Variants in RPTOR observed in about 807,000 individuals in gnomAD.
RPTOR encodes regulatory-associated protein of mTOR.
A neutral mutation model predicts 169.9 loss-of-function variants in RPTOR; 21 were observed. The observed-to-expected ratio is 0.12, with a 90% confidence interval of 0.09 to 0.18. The LOEUF is 0.18. Ranked by LOEUF, RPTOR falls within the 10% of genes least tolerant of loss-of-function variation. The pLI, the probability that RPTOR is intolerant of heterozygous loss-of-function variation, is 1.00. For synonymous variants in RPTOR, 732 were observed against 753.2 expected, an observed-to-expected ratio of 0.97 and a Z score of 0.46; for missense variants, 1,133 against 1,855.9, an observed-to-expected ratio of 0.61 and a Z score of 7.16.
intron 24 of RPTOR, among the ~76,000 whole-genome samples, chr17:80,929,715 G>A (rs963589791): frequency 5.9e-5 from 9 of 152,192 alleles, no homozygotes; most frequent in African/African-American, 1.7e-4. Context: ...AGAAACTCAG[G>A]CAGTGAAGGA....
chr17:80,615,222 G>A (rs1391057625), intron 1 of RPTOR, among the ~76,000 whole-genome samples: 2 of 152,206 alleles, frequency 1.3e-5, no homozygotes, highest in African/African-American at 2.4e-5. Flanking sequence ...AACTGAGACA[G>A]TGGAGGAGTC....
In RPTOR at chr17:80,721,778, A is replaced by G. The variant is rs1322463677; in HGVS notation, c.508-8782A>G. ...CAGCCAGCTTTCCTGTTATTTATTA[A>G]TAGGCTTAAGATAGCCAGAAGGACA... On this transcript the variant is annotated intron_variant, in intron 4 of 33. Transcript: ENST00000306801. This position sits in a 1 kb window ranked among gnomAD's most constrained non-coding sequence, Gnocchi z 4.7. Among the ~76,000 whole-genome samples the G allele has an allele frequency of 6.6e-6, 1 of 151,392 alleles. No homozygotes were observed. Among genetic ancestry groups the G allele is most frequent in the Non-Finnish European group, 1.5e-5 (1 of 68,034 alleles).
rs1186669656 is a variant in RPTOR, at chr17:80,845,061, G to A, written c.1213-1412G>A. The stretch of plus-strand genomic sequence containing the variant: ...TAAGTGGAAGTGACTCTCCGTGGAG[G>A]GAATCAGGCCGGACTGCTCCTGCCT... On this transcript the variant is annotated intron_variant, in intron 10 of 33. Transcript: ENST00000306801. The surrounding 1 kb of genome is among the most constrained non-coding windows in gnomAD (Gnocchi z 5.4). Among the ~76,000 whole-genome samples, 1 of 152,034 alleles carries A rather than the reference G, an allele frequency of 6.6e-6. No individual in the cohort carries two copies. The highest frequency in any genetic ancestry group is 2.4e-5 in the African/African-American group (1 of 41,374).
rs1162160542 is a variant in RPTOR, at chr17:80,964,346, C to G, written c.*16C>G. Reference sequence around the variant, plus strand: ...TGTCAGATAGCGGCGTGACCCGGGCCCACCAGGCCACGGCCGCCTGCTGTA... The same window carrying G: ...TGTCAGATAGCGGCGTGACCCGGGCGCACCAGGCCACGGCCGCCTGCTGTA... On this transcript the variant is annotated 3_prime_UTR_variant, in exon 34 of 34. Transcript: ENST00000306801. The G allele has an allele frequency of 6.2e-7, 1 of 1,604,150 alleles. No homozygotes were observed. Among genetic ancestry groups the G allele is most frequent in the South Asian group, 1.1e-5 (1 of 91,080 alleles).
At chr17:80,779,985 C>T (rs1302534208) in intron 6 of RPTOR, among the ~76,000 whole-genome samples, 1 of 152,050 alleles carries the variant, frequency 6.6e-6, no homozygotes, top group Non-Finnish European at 1.5e-5. Flanking sequence ...CTCCTTGGCC[C>T]GACTCCATGC....
rs745838185 is a variant in RPTOR at position 80,820,601 on chromosome 17, T to A, written c.891-1600T>A. Reference sequence around the variant, plus strand: ...AGCTCTGTCGTAGGTTGTTAGAGGGTGGGCACCTTTGCTTTTCCTCACTCC... The same window carrying A: ...AGCTCTGTCGTAGGTTGTTAGAGGGAGGGCACCTTTGCTTTTCCTCACTCC... On this transcript the variant is annotated intron_variant, in intron 7 of 33. Transcript: ENST00000306801. The surrounding 1 kb of genome is among the most constrained non-coding windows in gnomAD (Gnocchi z 4.1). Among the ~76,000 whole-genome samples the A allele has an allele frequency of 6.6e-6, 1 of 151,772 alleles. No individual in the cohort carries two copies. The highest frequency in any genetic ancestry group is 2.0e-4 in the East Asian group (1 of 5,094).
intron 9 of RPTOR, among the ~76,000 whole-genome samples, chr17:80,826,351 C>G (rs1291532930): frequency 1.3e-5 from 2 of 152,204 alleles, no homozygotes; most frequent in Non-Finnish European, 2.9e-5. Context: ...AACATGTTTC[C>G]TCTCCTCATC....
intron 10 of RPTOR, 48 bp from the exon 11 acceptor site, chr17:80,846,425 C>T (rs2067731195): frequency 6.4e-7 from 1 of 1,573,110 alleles, no homozygotes; most frequent in Non-Finnish European, 8.7e-7. Context: ...AAGACCAGGC[C>T]ATCTGGGAAC....
chr17:80,637,375 C>T (rs530847684), intron 2 of RPTOR, among the ~76,000 whole-genome samples: 1 of 152,180 alleles, frequency 6.6e-6, no homozygotes, highest in African/African-American at 2.4e-5. Flanking sequence ...ACTGGCGAGA[C>T]GGGGTCACAG....
intron 24 of RPTOR, among the ~76,000 whole-genome samples, chr17:80,927,827 C>T (rs1346075336): frequency 6.6e-6 from 1 of 151,796 alleles, no homozygotes; most frequent in Non-Finnish European, 1.5e-5. Context: ...GCCCCTCCTC[C>T]GCCTGCCCTC....
intron 10 of RPTOR, among the ~76,000 whole-genome samples, chr17:80,842,736 G>A (rs559198791): frequency 2.0e-5 from 3 of 152,310 alleles, no homozygotes; most frequent in South Asian, 4.1e-4. Context: ...TCTGAGATGA[G>A]CATTCTGAGC....
At chr17:80,870,201 G>A (rs948728235) in intron 13 of RPTOR, among the ~76,000 whole-genome samples, 3 of 152,172 alleles carry the variant, frequency 2.0e-5, no homozygotes, top group South Asian at 2.1e-4. Flanking sequence ...CTCCAAGAGC[G>A]TAATGTCAGT....
chr17:80,847,380 T>G (rs537862465), intron 11 of RPTOR, among the ~76,000 whole-genome samples: 27 of 152,228 alleles, frequency 1.8e-4, no homozygotes, highest in Non-Finnish European at 3.2e-4. Context: ...TTAGAAAGAT[T>G]CCACAGAACT....
intron 4 of RPTOR, among the ~76,000 whole-genome samples, chr17:80,720,295 C>CA (rs983465111): frequency 0.02 from 2,762 of 136,896 alleles, 77 homozygotes; most frequent in African/African-American, 0.068. Flanking sequence ...GAAACTGTCT[C>CA]AAAAAAAAAA....
chr17:80,890,636 G>A (rs2068310211), intron 17 of RPTOR, among the ~76,000 whole-genome samples: 1 of 152,240 alleles, frequency 6.6e-6, no homozygotes, highest in Admixed American at 6.5e-5. Flanking sequence ...CAGGCTGAAG[G>A]GAAAGTAGAC....
chr17:80,664,355 C>T (rs573109699), intron 3 of RPTOR, among the ~76,000 whole-genome samples: 1 of 152,168 alleles, frequency 6.6e-6, no homozygotes, highest in Non-Finnish European at 1.5e-5. Flanking sequence ...ATAATTCTTA[C>T]ACTCAGTATT....
chr17:80,666,541 G>A (rs2065781028), intron 3 of RPTOR, among the ~76,000 whole-genome samples: 1 of 152,186 alleles, frequency 6.6e-6, no homozygotes, highest in African/African-American at 2.4e-5. Flanking sequence ...GCAAAATGTT[G>A]ATTATTGGCC....
chr17:80,801,266 C>T (rs760740557), intron 7 of RPTOR, among the ~76,000 whole-genome samples: 9 of 152,162 alleles, frequency 5.9e-5, no homozygotes, highest in Non-Finnish European at 1.0e-4. Flanking sequence ...GAGGCCTTTA[C>T]AAACATTACC....
intron 17 of RPTOR, among the ~76,000 whole-genome samples, chr17:80,890,407 G>A (rs951849460): frequency 5.3e-5 from 8 of 152,246 alleles, no homozygotes; most frequent in African/African-American, 7.2e-5. Flanking sequence ...GGAAGGCAGC[G>A]GGGGTTCTGT....
Sources: gnomAD v4.1 joint callset for allele counts (sites outside exome capture counted in the v4.1 genomes callset) on GRCh38, gnomAD v4.1.1 for gene constraint, Gnocchi (gnomAD v3.1) non-coding constraint, MANE v1.5 for transcripts, NCBI Gene and HGNC (gene_info 2026-07-23, HGNC 2026-07-21) for gene names.